FAT2: variants seen among roughly 807,000 people sequenced by gnomAD.
FAT2 encodes the protein FAT atypical cadherin 2, also known as protocadherin Fat 2.
Under a neutral mutation model 295.3 loss-of-function variants are expected in FAT2, and 150 were observed. The ratio of observed to expected loss-of-function variants is 0.51; its 90% CI spans 0.44 to 0.58. The LOEUF is 0.58. Among genes scored for constraint, FAT2 ranks in the 20% least tolerant of loss-of-function variants. The probability of loss-of-function intolerance (pLI) is 0.00; values close to 1 mark genes in which losing one functional copy is unlikely to be tolerated. For missense variants in FAT2, 4,868 were observed against 5,442.7 expected, an observed-to-expected ratio of 0.89 and a Z score of 3.32; for synonymous variants, 2,026 against 2,150.3, an observed-to-expected ratio of 0.94 and a Z score of 1.60.
In FAT2 at chr5:151,568,292, G is replaced by T. The variant is rs777148610; in HGVS notation, c.640C>A (p.Arg214=). Residue 214 remains arginine, a synonymous_variant, in exon 2 of 24, where the codon CGA becomes AGA. Coordinates refer to ENST00000261800, the MANE Select transcript of FAT2 (RefSeq NM_001447.3). ...TVAGKLNVTW[R]GKHELQVLAV... ...AGCACCTGGAGCTCATGCTTTCCTC[G>T]CCAGGTGACGTTAAGCTTCCCAGCC... 6.4e-5 allele frequency: 104 copies of T among 1,613,990 alleles called. No homozygotes were observed. Among genetic ancestry groups the T allele is most frequent in the Non-Finnish European group, 8.6e-5 (102 of 1,180,028 alleles).
In FAT2 at chr5:151,534,541, T is replaced by C; in HGVS notation, c.9295A>G (p.Ile3099Val). Residue 3099 changes from isoleucine to valine, a missense_variant, in exon 13 of 24, where the codon ATC becomes GTC. Ile to Val is a conservative substitution (Grantham distance 29). Transcript: ENST00000261800. Reference protein sequence around the residue: ...DGGGRSCQADITLHVEDVNDN... With the variant: ...DGGGRSCQADVTLHVEDVNDN... ...TTCACATCCTCCACATGGAGGGTGA[T>C]GTCTGCCTGGCACGATCGGCCACCT... 6.2e-7 allele frequency: 1 copy of C among 1,614,062 alleles called. No homozygotes were observed. The highest frequency in any genetic ancestry group is 8.5e-7 in the Non-Finnish European group (1 of 1,179,958).
chr5:151,553,091 G>C (rs1757365707), intron 6 of FAT2, 86 bp downstream of exon 6: 1 of 1,382,368 alleles, frequency 7.2e-7, no homozygotes, highest in South Asian at 1.2e-5. Flanking sequence ...CTTGAGAAGA[G>C]TCAGAAGGAC....
intron 3 of FAT2, among the ~76,000 whole-genome samples, chr5:151,561,826 G>A (rs1285741252): frequency 6.6e-6 from 1 of 152,240 alleles, no homozygotes; most frequent in East Asian, 1.9e-4. Flanking sequence ...AAGTGTTCAT[G>A]CTTATAAAGA....
At chr5:151,525,105 T>C (rs1408113659) in intron 18 of FAT2, among the ~76,000 whole-genome samples, 3 of 152,226 alleles carry the variant, frequency 2.0e-5, no homozygotes, top group Non-Finnish European at 4.4e-5. Context: ...AATAAATACT[T>C]GTCGAGAGAT....
At chr5:151,534,342 G>A in intron 13 of FAT2, 67 bp downstream of exon 13, 2 of 1,316,438 alleles carry the variant, frequency 1.5e-6, no homozygotes, top group Non-Finnish European at 2.1e-6. Context: ...ACACAAAGGG[G>A]ACCAAACCCT....
chr5:151,579,774 C>A lies in FAT2; in HGVS notation c.-20-10823G>T, dbSNP rs560138171. Among the ~76,000 whole-genome samples the A allele has an allele frequency of 4.0e-5, 6 of 151,692 alleles. No individual in the cohort carries two copies. In the South Asian group the frequency reaches 8.4e-4, roughly 21 times the overall value. On this transcript the variant is annotated intron_variant, in intron 1 of 23. Coordinates refer to ENST00000261800, the MANE Select transcript of FAT2 (RefSeq NM_001447.3). ...GAGAGAGAAAGATACTAACTGAACC[C>A]ACCTCAGATAGTGTTCTGAAGGTAG...
chr5:151,563,724 C>T (rs1005203182), intron 2 of FAT2, 85 bp from the exon 3 acceptor site: 75 of 1,093,344 alleles, frequency 6.9e-5, no homozygotes, highest in Non-Finnish European at 8.3e-5. Flanking sequence ...TTCCCCAAAC[C>T]GCACTGTGGA....
rs1197840532 is a variant in FAT2, at chr5:151,550,883, G to T, written c.4297-12C>A. The T allele has an allele frequency of 6.2e-7, 1 of 1,610,810 alleles. No individual in the cohort carries two copies. The highest frequency in any genetic ancestry group is 8.5e-7 in the Non-Finnish European group (1 of 1,178,946). ...ATGAAGATGTGGACCTAGGGAGGGAGATGAGGGAGAAGGTGCACTGCAAGC... is the reference window on the plus strand; with the variant it reads ...ATGAAGATGTGGACCTAGGGAGGGATATGAGGGAGAAGGTGCACTGCAAGC... On this transcript the variant is annotated splice_polypyrimidine_tract_variant and intron_variant, in intron 7 of 23. Transcript: ENST00000261800.
chr5:151,520,853 T>C (rs1472969605), intron 19 of FAT2, among the ~76,000 whole-genome samples: 1 of 152,218 alleles, frequency 6.6e-6, no homozygotes, highest in African/African-American at 2.4e-5. Flanking sequence ...GACCACTTTC[T>C]ATATGTCAGG....
intron 3 of FAT2, among the ~76,000 whole-genome samples, chr5:151,557,680 A>G (rs374196742): frequency 3.9e-5 from 6 of 152,350 alleles, no homozygotes; most frequent in Admixed American, 6.5e-5. Flanking sequence ...AATTTTCTGT[A>G]AAGTAAGAAA....
Position 151,550,665 on chromosome 5 carries a change from T to C in FAT2, c.4503A>G (p.Pro1501=), listed in dbSNP as rs1467259463. Residue 1501 remains proline, a synonymous_variant, in exon 8 of 24, where the codon CCA becomes CCG. Transcript: ENST00000261800. ...CCACCGTTACCAGGACACCACTGCTTGGGTCCAGCTGGAAGAGGCTGGCAC... is the reference window on the plus strand; with the variant it reads ...CCACCGTTACCAGGACACCACTGCTCGGGTCCAGCTGGAAGAGGCTGGCAC... ...PGSASLFQLD[P]SSGVLVTVGK... 2 of 1,614,218 alleles carry C rather than the reference T, an allele frequency of 1.2e-6. No homozygotes were observed. Among genetic ancestry groups the C allele is most frequent in the East Asian group, 4.5e-5 (2 of 44,890 alleles).
At chr5:151,506,362 G>A (rs921043335) in intron 23 of FAT2, among the ~76,000 whole-genome samples, 43 of 152,206 alleles carry the variant, frequency 2.8e-4, no homozygotes, top group Non-Finnish European at 1.5e-5. Flanking sequence ...GGAAGGATTT[G>A]GATGTCTCCA....
chr5:151,532,040 GC>G, intron 13 of FAT2, 70 bp from the exon 14 acceptor site: 1 of 1,568,546 alleles, frequency 6.4e-7, no homozygotes, highest in Non-Finnish European at 8.7e-7. Flanking sequence ...AGCAAACCCT[GC>G]AGCCACAGGA....
intron 3 of FAT2, 32 bp from the exon 4 acceptor site, chr5:151,556,434 G>A (rs2127634883): frequency 3.2e-6 from 5 of 1,559,474 alleles, no homozygotes; most frequent in Non-Finnish European, 4.4e-6. Flanking sequence ...AGAGACATGA[G>A]CAGAAGACTT....
intron 9 of FAT2, among the ~76,000 whole-genome samples, chr5:151,548,013 T>G (rs1756818189): frequency 6.6e-6 from 1 of 152,242 alleles, no homozygotes; most frequent in South Asian, 2.1e-4. Flanking sequence ...TCTCCATCAA[T>G]GAGGTTGTCA....
Position 151,505,385 on chromosome 5 carries a change from C to G in FAT2, c.*180G>C. The G allele has an allele frequency of 1.4e-6, 1 of 710,856 alleles. No homozygotes were observed. The allele number at this position is 710,856 out of a possible 1,614,324, so 44.0% of individuals were successfully genotyped here. On this transcript the variant is annotated 3_prime_UTR_variant, in exon 24 of 24. Coordinates refer to ENST00000261800, the MANE Select transcript of FAT2 (RefSeq NM_001447.3). ...GTTTCTGGAGCTCTATCCTCAGCTT[C>G]CCTCCACCCTCAGGGACTAGGTGGG...
chr5:151,530,800 G>A (rs1219978159), intron 14 of FAT2, among the ~76,000 whole-genome samples: 2 of 152,226 alleles, frequency 1.3e-5, no homozygotes, highest in Non-Finnish European at 2.9e-5. Flanking sequence ...AGGGGCCAAA[G>A]GGTAAAGAGG....
intron 10 of FAT2, 137 bp from the exon 11 acceptor site, chr5:151,540,900 A>G: frequency 1.5e-6 from 1 of 664,564 alleles, no homozygotes. Context: ...CTAGGAACCC[A>G]CGATTCTACA....
At position 151,542,689 on chromosome 5, in the gene FAT2, C is replaced by A; in HGVS notation, c.8438G>T (p.Gly2813Val). 6.2e-7 allele frequency: 1 copy of A among 1,614,192 alleles called. No individual in the cohort carries two copies. Among genetic ancestry groups the A allele is most frequent in the South Asian group, 1.1e-5 (1 of 91,072 alleles). Reference sequence around the variant, plus strand: ...GGCAGTCACTTGAATGACTGAGGTCCCCACTGGCATATTCTCAGTGAGGAC... The same window carrying A: ...GGCAGTCACTTGAATGACTGAGGTCACCACTGGCATATTCTCAGTGAGGAC... ...KAVLTENMPV[G>V]TSVIQVTAID... is the part of the protein sequence containing the mutation. Residue 2813 changes from glycine to valine, a missense_variant, in exon 10 of 24, where the codon GGG becomes GTG. Around this residue, in one of 5 missense-constraint regions of FAT2, gnomAD observed 3,297 missense variants for 3,669.4 expected, o/e 0.90. Transcript: ENST00000261800.
Sources: gnomAD v4.1 joint callset for allele counts (sites outside exome capture counted in the v4.1 genomes callset) on GRCh38, gnomAD v4.1.1 for gene constraint, gnomAD v4.1.1 regional missense constraint, MANE v1.5 for transcripts, NCBI Gene and HGNC (gene_info 2026-07-23, HGNC 2026-07-21) for gene names.